MOV10L1: variants seen among roughly 807,000 people sequenced by gnomAD.
MOV10L1 encodes the protein RNA helicase Mov10l1.
A neutral mutation model predicts 143.8 loss-of-function variants in MOV10L1; 110 were observed. The ratio of observed to expected loss-of-function variants is 0.76; its 90% CI spans 0.66 to 0.90. MOV10L1 has a LOEUF of 0.90. MOV10L1 is among the 40% of genes least tolerant of loss of function. MOV10L1 has a pLI of 0.00. For missense variants in MOV10L1, 1,406 were observed against 1,526.8 expected, an observed-to-expected ratio of 0.92 and a Z score of 1.32; for synonymous variants, 593 against 581.1, an observed-to-expected ratio of 1.02 and a Z score of -0.29.
Position 50,134,562 on chromosome 22 carries a change from C to A in MOV10L1, c.2002C>A (p.Pro668Thr). The change falls in exon 15 of 27, where the codon CCA becomes ACA. Residue 668 changes from proline (P) to threonine (T), a missense_variant. This residue lies in a region of MOV10L1 where 1,233 missense variants were observed against 1,351.4 expected (regional missense o/e 0.91). Transcript: ENST00000262794. Reference protein sequence around the residue: ...LFPEEIILQSPQVTGNWNHAQ... With the variant: ...LFPEEIILQSTQVTGNWNHAQ... ...TCCAGAAGAAATTATTTTACAGTCT[C>A]CACAAGTGACGGGAAATTGGAACCA... 1 of 1,614,142 alleles carries A rather than the reference C, an allele frequency of 6.2e-7. No homozygotes were observed. The highest frequency in any genetic ancestry group is 8.5e-7 in the Non-Finnish European group (1 of 1,180,022).
In MOV10L1 at chr22:50,108,837, A is replaced by C; in HGVS notation, c.736A>C (p.Lys246Gln). ...GAGGGCACTTTGTATGACCCTAGTG[A>C]AGAGGCGGTAAGAAAATGCTTTTCT... is the stretch of plus-strand genomic sequence containing the variant. ...VWRALCMTLV[K>Q]RRDAAPVHEA... Residue 246 changes from lysine (K) to glutamine (Q), a missense_variant, in exon 5 of 27, where the codon AAG becomes CAG. By Grantham distance (53) the Lys-to-Gln change is moderately conservative. This residue lies in a region of MOV10L1 where 1,233 missense variants were observed against 1,351.4 expected (regional missense o/e 0.91). Coordinates refer to ENST00000262794, the MANE Select transcript of MOV10L1 (RefSeq NM_018995.3). The C allele has an allele frequency of 1.2e-6, 2 of 1,613,894 alleles. 1 individual carries two copies. Among genetic ancestry groups the C allele is most frequent in the South Asian group, 2.2e-5 (2 of 91,078 alleles).
chr22:50,157,944 A>G, intron 22 of MOV10L1, 113 bp from the exon 23 acceptor site: 1 of 1,286,826 alleles, frequency 7.8e-7, no homozygotes, highest in Admixed American at 2.2e-5. Flanking sequence ...GAGAGCAGGG[A>G]TTTATTCTGT....
chr22:50,117,251 T>A lies in MOV10L1; in HGVS notation c.1354T>A (p.Ser452Thr), dbSNP rs1420554399. The A allele has an allele frequency of 6.2e-7, 1 of 1,613,962 alleles. No homozygotes were observed. ...AGTAAATGTTATCAGTGGGGAGGAG[T>A]CACTAATTGCTGCGCGCGAACCATT... ...LEVNVISGEESLIAAREPFSW... is the reference protein window; with the variant it reads ...LEVNVISGEETLIAAREPFSW... The change falls in exon 9 of 27, where the codon TCA (serine) becomes ACA (threonine). Residue 452 changes from serine (S) to threonine (T), a missense_variant. Ser to Thr is a moderately conservative substitution (Grantham distance 58). This residue lies in a region of MOV10L1 where 1,233 missense variants were observed against 1,351.4 expected (regional missense o/e 0.91). Transcript: ENST00000262794.
At chr22:50,151,373 GT>G (rs1430309211) in intron 21 of MOV10L1, among the ~76,000 whole-genome samples, 1 of 152,226 alleles carries the variant, frequency 6.6e-6, no homozygotes, top group Non-Finnish European at 1.5e-5. Flanking sequence ...AGTAGCCTCA[GT>G]TTGTAAGCCC....
intron 15 of MOV10L1, among the ~76,000 whole-genome samples, chr22:50,136,273 A>G (rs2062821890): frequency 6.6e-6 from 1 of 152,204 alleles, no homozygotes; most frequent in Admixed American, 6.5e-5. Context: ...TCTGTGGTGC[A>G]GATGGCATGT....
In MOV10L1 at chr22:50,150,068, C is replaced by T. The variant is rs185636136; in HGVS notation, c.2727+354C>T. Among the ~76,000 whole-genome samples, 169 of 152,266 alleles carry T rather than the reference C, an allele frequency of 1.1e-3. 2 individuals are homozygous for T. Among genetic ancestry groups the T allele is most frequent in the Admixed American group, 9.0e-3 (137 of 15,302 alleles). ...CTGACCCACTTGCCCCTCAGGCTGC[C>T]CTGGCCTCCAGCTCTGTGCATCCTC... On this transcript the variant is annotated intron_variant, in intron 20 of 26. Coordinates refer to ENST00000262794, the MANE Select transcript of MOV10L1 (RefSeq NM_018995.3).
At chr22:50,153,279 C>T (rs1170108668) in intron 22 of MOV10L1, 61 bp downstream of exon 22, 3 of 1,513,948 alleles carry the variant, frequency 2.0e-6, no homozygotes, top group Non-Finnish European at 2.7e-6. Context: ...GGCAGGAGGT[C>T]CTTCCTCCCA....
At chr22:50,108,912 A>C (rs1156309177) in intron 5 of MOV10L1, 68 bp downstream of exon 5, 3 of 1,477,408 alleles carry the variant, frequency 2.0e-6, no homozygotes, top group Non-Finnish European at 2.8e-6. Flanking sequence ...TGGGAGGCTG[A>C]GGCAGACGGA....
At chr22:50,135,291 C>T (rs1009550168) in intron 15 of MOV10L1, among the ~76,000 whole-genome samples, 14 of 151,592 alleles carry the variant, frequency 9.2e-5, no homozygotes, top group Non-Finnish European at 1.6e-4. Context: ...GAATTACAGG[C>T]GTGAGCCACC....
chr22:50,122,111 G>C (rs1028014000), intron 10 of MOV10L1, among the ~76,000 whole-genome samples: 1 of 152,066 alleles, frequency 6.6e-6, no homozygotes, highest in Non-Finnish European at 1.5e-5. Context: ...ATTTTGATGG[G>C]AATTGCATTG....
intron 2 of MOV10L1, chr22:50,096,423 GGTT>G: frequency 6.6e-6 from 1 of 152,136 alleles, no homozygotes; most frequent in East Asian, 1.9e-4. Context: ...TCTACTTTTT[GGTT>G]GTTGTGAATT....
At chr22:50,143,424 A>G (rs1159711406) in intron 17 of MOV10L1, 6 of 604,400 alleles carry the variant, frequency 9.9e-6, no homozygotes, top group African/African-American at 5.6e-5. Flanking sequence ...AAGGAAACTC[A>G]TTTTTAGCCT....
intron 1 of MOV10L1, 50 bp downstream of exon 1, chr22:50,090,235 G>T: frequency 1.4e-6 from 2 of 1,402,310 alleles, no homozygotes; most frequent in Non-Finnish European, 1.9e-6. Flanking sequence ...CTCGCGTGTC[G>T]GCCACGAGGG....
At chr22:50,135,335 A>G (rs1452284923) in intron 15 of MOV10L1, among the ~76,000 whole-genome samples, 3 of 151,964 alleles carry the variant, frequency 2.0e-5, no homozygotes, top group East Asian at 1.9e-4. Context: ...TTTAAATTAT[A>G]TGGTTTATGT....
At chr22:50,157,805 C>G (rs1219118473) in intron 22 of MOV10L1, among the ~76,000 whole-genome samples, 1 of 151,674 alleles carries the variant, frequency 6.6e-6, no homozygotes, top group East Asian at 1.9e-4. Flanking sequence ...AGCCAGCCCT[C>G]CACTCCGGGG....
intron 5 of MOV10L1, among the ~76,000 whole-genome samples, chr22:50,110,173 G>T (rs1196692281): frequency 1.3e-5 from 2 of 151,660 alleles, no homozygotes; most frequent in African/African-American, 4.8e-5. Context: ...TGTCTTGCCG[G>T]GCGCGGTGGC....
chr22:50,127,453 C>A (rs2062543270), intron 12 of MOV10L1, among the ~76,000 whole-genome samples: 1 of 152,210 alleles, frequency 6.6e-6, no homozygotes, highest in Admixed American at 6.5e-5. Flanking sequence ...AGGACTTGGT[C>A]TGTCTTCCTC....
chr22:50,133,404 A>G (rs1396250911), intron 13 of MOV10L1, among the ~76,000 whole-genome samples: 2 of 150,152 alleles, frequency 1.3e-5, no homozygotes, highest in African/African-American at 4.9e-5. Context: ...GGCTTCAGTG[A>G]GCTCTGACTG....
At chr22:50,145,916 G>C in intron 19 of MOV10L1, 106 bp downstream of exon 19, 1 of 1,519,624 alleles carries the variant, frequency 6.6e-7, no homozygotes, top group Admixed American at 1.8e-5. Flanking sequence ...TCAGTGCTCA[G>C]GGAGGGAGGC....
Sources: allele counts gnomAD v4.1 joint callset (sites outside exome capture counted in the v4.1 genomes callset), GRCh38; gene constraint gnomAD v4.1.1; regional missense constraint gnomAD v4.1.1; transcripts MANE v1.5; gene names NCBI Gene and HGNC (gene_info 2026-07-23, HGNC 2026-07-21).